ITGAL: variants seen among roughly 807,000 people sequenced by gnomAD.
The protein encoded by ITGAL is integrin subunit alpha L.
In ITGAL, 68 loss-of-function variants were observed where a neutral mutation model predicts 138.4. That is an observed-to-expected ratio of 0.49 (90% confidence interval 0.40 to 0.60). The LOEUF (loss-of-function observed/expected upper bound fraction) is 0.60. Among genes scored for constraint, ITGAL ranks in the 20% least tolerant of loss-of-function variants. The pLI is 0.00. For synonymous variants in ITGAL, 561 were observed against 584.3 expected, an observed-to-expected ratio of 0.96 and a Z score of 0.57; for missense variants, 1,256 against 1,478.6, an observed-to-expected ratio of 0.85 and a Z score of 2.47.
At chr16:30,473,846 G>C (rs1043980605) in intron 1 of ITGAL, 1 of 460,702 alleles carries the variant, frequency 2.2e-6, no homozygotes, top group Non-Finnish European at 4.3e-6. Context: ...GGCGCACCCG[G>C]CTCGGGGGCA....
At chr16:30,520,608 C>T (rs1258829040) in intron 30 of ITGAL, among the ~76,000 whole-genome samples, 3 of 152,206 alleles carry the variant, frequency 2.0e-5, no homozygotes, top group Non-Finnish European at 4.4e-5. Flanking sequence ...CACAAACATG[C>T]TCCCTGCCAT....
chr16:30,517,209 T>G, intron 26 of ITGAL, 123 bp downstream of exon 26: 1 of 670,512 alleles, frequency 1.5e-6, no homozygotes, highest in Non-Finnish European at 2.6e-6. Context: ...CCCAGCACTT[T>G]GGGAGGCTGA....
chr16:30,479,818 AT>A (rs1162068053), intron 6 of ITGAL, among the ~76,000 whole-genome samples: 1 of 151,796 alleles, frequency 6.6e-6, no homozygotes, highest in African/African-American at 2.4e-5. Context: ...CACCCAGCTG[AT>A]TTTTGTATTT....
chr16:30,474,145 T>G (rs1043141769), intron 1 of ITGAL, 51 bp from the exon 2 acceptor site: 3 of 1,386,564 alleles, frequency 2.2e-6, no homozygotes, highest in Non-Finnish European at 3.0e-6. Flanking sequence ...GCTGGGCACG[T>G]GCAGGGGCGG....
intron 7 of ITGAL, 26 bp downstream of exon 7, chr16:30,481,610 C>T (rs200251221): frequency 1.1e-5 from 18 of 1,610,170 alleles, no homozygotes; most frequent in Middle Eastern, 1.6e-4. Context: ...CAGGAGAGCA[C>T]GTGTCCTGTG....
chr16:30,491,831 G>C (rs1233750837), intron 11 of ITGAL, among the ~76,000 whole-genome samples: 1 of 152,118 alleles, frequency 6.6e-6, no homozygotes, highest in Non-Finnish European at 1.5e-5. Flanking sequence ...CTGAGGCACA[G>C]AGGCATGAAG....
intron 17 of ITGAL, among the ~76,000 whole-genome samples, chr16:30,502,354 G>A (rs2050914766): frequency 1.5e-5 from 2 of 132,668 alleles, no homozygotes; most frequent in Admixed American, 9.5e-5. Context: ...CCGAGATCGC[G>A]CCCCTGCACT....
intron 24 of ITGAL, among the ~76,000 whole-genome samples, chr16:30,512,412 C>G (rs1443824193): frequency 6.6e-6 from 1 of 151,924 alleles, no homozygotes; most frequent in Non-Finnish European, 1.5e-5. Flanking sequence ...CATGGTGAAA[C>G]CTTGTCTCTA....
chr16:30,474,432 A>G, intron 2 of ITGAL, 134 bp downstream of exon 2: 1 of 635,376 alleles, frequency 1.6e-6, no homozygotes, highest in Non-Finnish European at 2.8e-6. Context: ...CGTCTGGAGG[A>G]GCCTGTGGTG....
chr16:30,497,652 T>C (rs1242721390), intron 15 of ITGAL, among the ~76,000 whole-genome samples: 3 of 151,856 alleles, frequency 2.0e-5, no homozygotes, highest in Non-Finnish European at 4.4e-5. Flanking sequence ...AATTTTTTTG[T>C]ATTTTTAGTA....
At chr16:30,521,243 C>G (rs1016102026) in intron 30 of ITGAL, among the ~76,000 whole-genome samples, 29 of 151,388 alleles carry the variant, frequency 1.9e-4, no homozygotes, top group Admixed American at 6.6e-5. Flanking sequence ...CCTGTCTCTA[C>G]TAAAAATACA....
chr16:30,485,730 C>G (rs1334430982), intron 9 of ITGAL, among the ~76,000 whole-genome samples: 1 of 148,810 alleles, frequency 6.7e-6, no homozygotes, highest in African/African-American at 2.5e-5. Flanking sequence ...GCAGGGATCT[C>G]GCTATGTTGC....
chr16:30,499,052 T>C (rs1476230779), intron 15 of ITGAL, 22 bp from the exon 16 acceptor site: 7 of 1,608,630 alleles, frequency 4.4e-6, no homozygotes, highest in African/African-American at 2.7e-5. Context: ...AGGGAGAGAG[T>C]TGGTTGCCTT....
At chr16:30,481,803 G>A (rs1480452778) in intron 7 of ITGAL, among the ~76,000 whole-genome samples, 1 of 152,186 alleles carries the variant, frequency 6.6e-6, no homozygotes, top group East Asian at 1.9e-4. Context: ...TAAGCCAGGT[G>A]CACAGTCTGT....
intron 17 of ITGAL, 73 bp downstream of exon 17, chr16:30,499,562 G>C (rs1408823562): frequency 6.9e-7 from 1 of 1,458,794 alleles, no homozygotes; most frequent in Non-Finnish European, 9.5e-7. Context: ...ACTGTCCAGT[G>C]GGTGACACGT....
intron 27 of ITGAL, 31 bp from the exon 28 acceptor site, chr16:30,517,766 G>T: frequency 6.2e-7 from 1 of 1,612,554 alleles, no homozygotes; most frequent in Non-Finnish European, 8.5e-7. Flanking sequence ...GAATGAAGCC[G>T]CCCTGACCCC....
intron 21 of ITGAL, 105 bp downstream of exon 21, chr16:30,506,961 G>T (rs937671642): frequency 8.2e-6 from 10 of 1,222,766 alleles, no homozygotes; most frequent in Non-Finnish European, 1.1e-5. Flanking sequence ...GGGCAGCTGC[G>T]GGTGGACAGG....
chr16:30,480,090 C>T (rs946991845), intron 6 of ITGAL, among the ~76,000 whole-genome samples: 4 of 151,916 alleles, frequency 2.6e-5, no homozygotes, highest in African/African-American at 9.7e-5. Flanking sequence ...CACCACTGTG[C>T]GTGGCTAATT....
At chr16:30,474,550 T>TA (rs935178200) in intron 2 of ITGAL, 11 of 504,442 alleles carry the variant, frequency 2.2e-5, no homozygotes, top group African/African-American at 2.1e-4. Context: ...ACACTTCGCA[T>TA]TGCCCAGTAG....
Sources: gnomAD v4.1 joint callset for allele counts (sites outside exome capture counted in the v4.1 genomes callset) on GRCh38, gnomAD v4.1.1 for gene constraint, MANE v1.5 for transcripts, NCBI Gene and HGNC (gene_info 2026-07-23, HGNC 2026-07-21) for gene names.